Variants in GPNMB observed in about 807,000 individuals in gnomAD.
GPNMB encodes the protein transmembrane glycoprotein NMB.
A neutral mutation model predicts 57.3 loss-of-function variants in GPNMB; 71 were observed. That is an observed-to-expected ratio of 1.24 (90% CI 1.02 to 1.51). GPNMB has a LOEUF of 1.51. GPNMB is among the 40% of genes most tolerant of loss of function. The probability of loss-of-function intolerance (pLI) is 0.00; values close to 1 mark genes in which losing one functional copy is unlikely to be tolerated. For missense variants in GPNMB, 677 were observed against 691.9 expected (o/e 0.98, Z 0.24); for synonymous variants, 253 against 263.2 (o/e 0.96, Z 0.38).
chr7:23,270,100 T>C lies in GPNMB; in HGVS notation c.1354T>C (p.Tyr452His), dbSNP rs1783165095. The part of the protein sequence containing the change: ...VRRTFNGSGT[Y>H]CVNLTLGDDT... Reference sequence around the variant, plus strand: ...ACGAACCTTCAATGGGTCTGGGACGTACTGTGTGAACCTCACCCTGGGGGA... The same window carrying C: ...ACGAACCTTCAATGGGTCTGGGACGCACTGTGTGAACCTCACCCTGGGGGA... Residue 452 changes from tyrosine (Y) to histidine (H), a missense_variant, in exon 9 of 11, where the codon TAC (tyrosine) becomes CAC (histidine). By Grantham distance (83) the Tyr-to-His change is moderately conservative. Coordinates refer to ENST00000258733, the MANE Select transcript of GPNMB (RefSeq NM_002510.3). The C allele has an allele frequency of 6.2e-7, 1 of 1,614,048 alleles. No homozygotes were observed.
chr7:23,251,338 G>A (rs997137634), intron 1 of GPNMB, among the ~76,000 whole-genome samples: 3 of 152,164 alleles, frequency 2.0e-5, no homozygotes, highest in African/African-American at 7.2e-5. Flanking sequence ...GGATTTAAGA[G>A]AAGAACAAGA....
chr7:23,270,442 A>G (rs1446349479), intron 9 of GPNMB, among the ~76,000 whole-genome samples: 2 of 152,194 alleles, frequency 1.3e-5, no homozygotes, highest in Admixed American at 1.3e-4. Flanking sequence ...ACCAGTAACA[A>G]TGGGATATGA....
chr7:23,273,465 G>T (rs1390279066), intron 9 of GPNMB, 56 bp from the exon 10 acceptor site: 1 of 1,078,896 alleles, frequency 9.3e-7, no homozygotes. Context: ...GGCATTATAA[G>T]CGGCATGTCC....
intron 2 of GPNMB, 63 bp downstream of exon 2, chr7:23,253,522 T>C: frequency 7.2e-7 from 1 of 1,393,392 alleles, no homozygotes; most frequent in Non-Finnish European, 1.0e-6. Flanking sequence ...TTGTAGATGG[T>C]AAAGCCTTTT....
At chr7:23,264,448 C>T (rs1783009412) in intron 6 of GPNMB, among the ~76,000 whole-genome samples, 1 of 152,100 alleles carries the variant, frequency 6.6e-6, no homozygotes, top group African/African-American at 2.4e-5. Flanking sequence ...TCTCAGCTCA[C>T]TGCAACCTCT....
intron 4 of GPNMB, chr7:23,257,924 C>T (rs187845802): frequency 3.9e-4 from 59 of 152,216 alleles, no homozygotes; most frequent in African/African-American, 1.3e-3. Flanking sequence ...AGATCACATA[C>T]ACATTTTTGC....
chr7:23,248,208 T>G (rs2128480331), intron 1 of GPNMB, among the ~76,000 whole-genome samples: 1 of 152,296 alleles, frequency 6.6e-6, no homozygotes, highest in Non-Finnish European at 1.5e-5. Flanking sequence ...GTGAGAGACG[T>G]GCATGGTGGG....
At chr7:23,260,195 G>T (rs1782882659) in intron 5 of GPNMB, 57 bp downstream of exon 5, 3 of 1,571,220 alleles carry the variant, frequency 1.9e-6, no homozygotes, top group African/African-American at 2.7e-5. Context: ...GACGTCAATG[G>T]GTTAAAAAAG....
chr7:23,266,695 G>C (rs1783072302), intron 7 of GPNMB, 80 bp downstream of exon 7: 1 of 1,334,348 alleles, frequency 7.5e-7, no homozygotes, highest in Admixed American at 2.1e-5. Flanking sequence ...TAACTCTGAA[G>C]GGGTAGAGGT....
intron 9 of GPNMB, 65 bp downstream of exon 9, chr7:23,270,240 A>C: frequency 9.1e-7 from 1 of 1,094,398 alleles, no homozygotes; most frequent in Non-Finnish European, 1.4e-6. Context: ...TCCCATACTA[A>C]AGCTATTTAG....
At chr7:23,267,186 C>A (rs1327328591) in intron 7 of GPNMB, among the ~76,000 whole-genome samples, 1 of 152,234 alleles carries the variant, frequency 6.6e-6, no homozygotes, top group Non-Finnish European at 1.5e-5. Flanking sequence ...AAGGCCTGAG[C>A]CTGGGGCTGC....
chr7:23,251,820 C>T (rs1259060822), intron 1 of GPNMB, among the ~76,000 whole-genome samples: 1 of 152,118 alleles, frequency 6.6e-6, no homozygotes, highest in Admixed American at 6.5e-5. Flanking sequence ...TGCTCCTGCC[C>T]AAATTGTAAG....
At chr7:23,270,355 G>A (rs910849402) in intron 9 of GPNMB, among the ~76,000 whole-genome samples, 180 bp downstream of exon 9, 1 of 152,150 alleles carries the variant, frequency 6.6e-6, no homozygotes, top group African/African-American at 2.4e-5. Context: ...AATCTACTTA[G>A]GGAAGTGATG....
At chr7:23,254,421 C>T in intron 3 of GPNMB, 109 bp downstream of exon 3, 1 of 823,488 alleles carries the variant, frequency 1.2e-6, no homozygotes, top group South Asian at 1.7e-5. Flanking sequence ...TGCCACTGCA[C>T]TCCATGAGCT....
chr7:23,268,214 GAAT>G (rs1476896833), intron 8 of GPNMB, among the ~76,000 whole-genome samples: 2 of 152,196 alleles, frequency 1.3e-5, no homozygotes. Flanking sequence ...CAATTAAGTT[GAAT>G]AATAATTATG....
Position 23,273,555 on chromosome 7 carries a change from C to A in GPNMB, c.1464C>A (p.Ala488=). 6.2e-7 allele frequency: 1 copy of A among 1,613,902 alleles called. No individual in the cohort carries two copies. Among genetic ancestry groups the A allele is most frequent in the Non-Finnish European group, 8.5e-7 (1 of 1,179,806 alleles). Reference sequence around the variant, plus strand: ...CGCCTTTAAGGATGGCAAACAGTGCCCTGATCTCCGTTGGCTGCTTGGCCA... The same window carrying A: ...CGCCTTTAAGGATGGCAAACAGTGCACTGATCTCCGTTGGCTGCTTGGCCA... The part of the protein sequence containing the change: ...PASPLRMANS[A]LISVGCLAIF... The change falls in exon 10 of 11, where the codon GCC becomes GCA. Residue 488 remains alanine (A), a synonymous_variant. Transcript: ENST00000258733.
chr7:23,274,529 G>T lies in GPNMB; in HGVS notation c.*305G>T, dbSNP rs1783291258. The T allele has an allele frequency of 4.7e-6, 1 of 211,772 alleles. No homozygotes were observed. The highest frequency in any genetic ancestry group is 5.6e-5 in the Admixed American group (1 of 17,982). 13.1% of individuals were successfully genotyped at this position (211,772 alleles called of 1,614,324 possible). ...AGAAACACTGTGTCCCGAGAGTAAGGAGAGAAGCTACTATTGATTAGAGCC... is the reference window on the plus strand; with the variant it reads ...AGAAACACTGTGTCCCGAGAGTAAGTAGAGAAGCTACTATTGATTAGAGCC... On this transcript the variant is annotated 3_prime_UTR_variant, in exon 11 of 11. Transcript: ENST00000258733.
chr7:23,253,417 G>A lies in GPNMB; in HGVS notation c.181G>A (p.Val61Met). ...ENDWNEKLYP[V>M]WKRGDMRWKN... ...TGACTGGAATGAAAAACTCTACCCA[G>A]TGTGGAAGCGGGGAGACATGAGGTG... is the stretch of plus-strand genomic sequence containing the variant. The change falls in exon 2 of 11, where the codon GTG (valine) becomes ATG (methionine). Residue 61 changes from valine to methionine, a missense_variant. By Grantham distance (21) the Val-to-Met change is conservative. Coordinates refer to ENST00000258733, the MANE Select transcript of GPNMB (RefSeq NM_002510.3). The A allele has an allele frequency of 1.9e-6, 3 of 1,614,010 alleles. No individual in the cohort carries two copies. Among genetic ancestry groups the A allele is most frequent in the Non-Finnish European group, 2.5e-6 (3 of 1,179,888 alleles).
intron 1 of GPNMB, chr7:23,247,132 A>G: frequency 3.4e-6 from 2 of 581,700 alleles, no homozygotes; most frequent in Non-Finnish European, 6.1e-6. Context: ...CTTTCGGCTC[A>G]TGGAAAGTAA....
Sources: gnomAD v4.1 joint callset for allele counts (sites outside exome capture counted in the v4.1 genomes callset) on GRCh38, gnomAD v4.1.1 for gene constraint, MANE v1.5 for transcripts, NCBI Gene and HGNC (gene_info 2026-07-23, HGNC 2026-07-21) for gene names.